Variants in EPS8 observed in about 807,000 individuals in gnomAD.
EPS8 encodes epidermal growth factor receptor kinase substrate 8.
In EPS8, 42 loss-of-function variants were observed where a neutral mutation model predicts 103.8. That is an observed-to-expected ratio of 0.40 (90% CI 0.32 to 0.52). The LOEUF (loss-of-function observed/expected upper bound fraction) is 0.52, where lower values mean the gene tolerates loss of function less well. Ranked by LOEUF, EPS8 falls within the 20% of genes least tolerant of loss-of-function variation. The pLI is 0.40. For synonymous variants in EPS8, 344 were observed against 344.6 expected, an observed-to-expected ratio of 1.00 and a Z score of 0.02; for missense variants, 969 against 1,005.1, an observed-to-expected ratio of 0.96 and a Z score of 0.49.
At chr12:15,720,471 G>T (rs967116860) in intron 1 of EPS8, among the ~76,000 whole-genome samples, 1 of 151,944 alleles carries the variant, frequency 6.6e-6, no homozygotes, top group Non-Finnish European at 1.5e-5. Flanking sequence ...TTTACTCCAG[G>T]GTGACTAAGA....
In EPS8 at chr12:15,688,720, TA is replaced by T. The variant is rs1946130397; in HGVS notation, c.-21-5749del. Among the ~76,000 whole-genome samples the T allele has an allele frequency of 6.6e-6, 1 of 152,094 alleles. No individual in the cohort carries two copies. Among genetic ancestry groups the T allele is most frequent in the South Asian group, 2.1e-4 (1 of 4,818 alleles). On this transcript the variant is annotated intron_variant, in intron 1 of 20. Transcript: ENST00000281172. This position sits in a 1 kb window ranked among gnomAD's most constrained non-coding sequence, Gnocchi z 5.1. ...TCTGCTGAGAGCTACCTCCACTCAATAAAACCCTGCACTCATTCTCTAAGCC... is the reference window on the plus strand; with the variant it reads ...TCTGCTGAGAGCTACCTCCACTCAATAAACCCTGCACTCATTCTCTAAGCC...
rs568402297 is a variant in EPS8 at position 15,689,136 on chromosome 12, T to C, written c.-21-6164A>G. 2.2e-3 allele frequency among the ~76,000 whole-genome samples: 315 copies of C among 144,330 alleles called. 1 individual carries two copies. The highest frequency in any genetic ancestry group is 3.3e-3 in the Non-Finnish European group (220 of 66,072). 94.7% of individuals were successfully genotyped at this position (144,330 alleles called of 152,430 possible). ...CTCTGATCTGACTGACTTATATCCC[T>C]TTTTTTTTTTCAGTAAGTTACACCA... On this transcript the variant is annotated intron_variant, in intron 1 of 20. Transcript: ENST00000281172.
In EPS8 at chr12:15,706,403, C is replaced by A. The variant is rs1946387473; in HGVS notation, c.-21-23431G>T. Among the ~76,000 whole-genome samples, 1 of 152,142 alleles carries A rather than the reference C, an allele frequency of 6.6e-6. No homozygotes were observed. The highest frequency in any genetic ancestry group is 2.4e-5 in the African/African-American group (1 of 41,460). ...TGTCTAGAATAATTATCTTTTATAT[C>A]TTTGCCTATCTAAATCTTGTATCTC... On this transcript the variant is annotated intron_variant, in intron 1 of 20. Coordinates refer to ENST00000281172, the MANE Select transcript of EPS8 (RefSeq NM_004447.6). This position sits in a 1 kb window ranked among gnomAD's most constrained non-coding sequence, Gnocchi z 5.2.
chr12:15,674,952 G>A (rs1281409373), intron 3 of EPS8, among the ~76,000 whole-genome samples: 9 of 152,190 alleles, frequency 5.9e-5, no homozygotes, highest in Admixed American at 5.2e-4. Context: ...CTACTTGAAT[G>A]TGTAAAAAAT....
chr12:15,642,011 G>A (rs1012846197), intron 15 of EPS8, among the ~76,000 whole-genome samples, 181 bp from the exon 16 acceptor site: 4 of 151,944 alleles, frequency 2.6e-5, no homozygotes, highest in African/African-American at 9.7e-5. Context: ...CTTTTAAAAT[G>A]AACAAATTAT....
At chr12:15,689,565 G>A (rs1946144070) in intron 1 of EPS8, among the ~76,000 whole-genome samples, 1 of 152,138 alleles carries the variant, frequency 6.6e-6, no homozygotes, top group South Asian at 2.1e-4. Flanking sequence ...TTTGATACAT[G>A]TATAACTATG....
intron 3 of EPS8, among the ~76,000 whole-genome samples, chr12:15,672,845 G>A (rs1020649559): frequency 6.6e-6 from 1 of 152,104 alleles, no homozygotes; most frequent in African/African-American, 2.4e-5. Flanking sequence ...AGGAGGGCTC[G>A]GCTTGCTTTG....
intron 1 of EPS8, among the ~76,000 whole-genome samples, chr12:15,744,284 G>A (rs1157813506): frequency 6.6e-6 from 1 of 152,112 alleles, no homozygotes; most frequent in African/African-American, 2.4e-5. Flanking sequence ...TAAAAGAGCT[G>A]GTCTCTTCCT....
chr12:15,689,822 T>C (rs1214213174), intron 1 of EPS8, among the ~76,000 whole-genome samples: 2 of 152,090 alleles, frequency 1.3e-5, no homozygotes, highest in African/African-American at 2.4e-5. Context: ...TCTAAAAAAG[T>C]TGGATTCACG....
chr12:15,741,834 G>A (rs1946826691), intron 1 of EPS8, among the ~76,000 whole-genome samples: 2 of 152,006 alleles, frequency 1.3e-5, no homozygotes, highest in Non-Finnish European at 2.9e-5. Context: ...TTTACATTAG[G>A]TATATCTCCT....
chr12:15,667,546 TA>T (rs1455593533), intron 6 of EPS8, among the ~76,000 whole-genome samples: 1 of 152,018 alleles, frequency 6.6e-6, no homozygotes, highest in East Asian at 1.9e-4. Context: ...AATAATTATT[TA>T]AAAAAACCCA....
intron 12 of EPS8, among the ~76,000 whole-genome samples, chr12:15,656,494 T>C (rs1178548963): frequency 6.6e-6 from 1 of 152,184 alleles, no homozygotes; most frequent in African/African-American, 2.4e-5. Context: ...TAATGTTACT[T>C]ACTTTCCTAT....
At chr12:15,663,941 A>AATAAAAAT (rs1555112152) in intron 8 of EPS8, among the ~76,000 whole-genome samples, 2 of 73,278 alleles carry the variant, frequency 2.7e-5, no homozygotes, top group Non-Finnish European at 5.0e-5. Context: ...AAAAAAAAAA[A>AATAAAAAT]AAAAATAATA....
At chr12:15,755,573 A>T (rs1386486961) in intron 1 of EPS8, among the ~76,000 whole-genome samples, 2 of 152,202 alleles carry the variant, frequency 1.3e-5, no homozygotes, top group East Asian at 3.9e-4. Context: ...AGCAAATGTA[A>T]AGCACTAAAT....
intron 2 of EPS8, among the ~76,000 whole-genome samples, chr12:15,681,828 G>A (rs373235742): frequency 6.7e-6 from 1 of 150,266 alleles, no homozygotes; most frequent in African/African-American, 2.4e-5. Flanking sequence ...CTACTAATAT[G>A]TTATGTGAAA....
At chr12:15,660,419 A>G (rs546192928) in intron 10 of EPS8, among the ~76,000 whole-genome samples, 195 bp downstream of exon 10, 1 of 151,956 alleles carries the variant, frequency 6.6e-6, no homozygotes, top group Non-Finnish European at 1.5e-5. Context: ...ACATGCCACC[A>G]TGCCCGGCTA....
chr12:15,634,042 A>C (rs1435504712), intron 17 of EPS8, among the ~76,000 whole-genome samples: 2 of 152,234 alleles, frequency 1.3e-5, no homozygotes, highest in East Asian at 1.9e-4. Flanking sequence ...AGTTTACGTA[A>C]TGTCTTGGAG....
chr12:15,731,882 AGCTGGGTGG>A lies in EPS8; in HGVS notation c.-21-48919_-21-48911del, dbSNP rs1946720501. On this transcript the variant is annotated intron_variant, in intron 1 of 20. Transcript: ENST00000281172. This position sits in a 1 kb window ranked among gnomAD's most constrained non-coding sequence, Gnocchi z 5.1. ...GCATGTGTGTGTGTAGGCAAAAGGAAGCTGGGTGGTTAATCACTATATATATCTGTTCCT... is the reference window on the plus strand; with the variant it reads ...GCATGTGTGTGTGTAGGCAAAAGGAATTAATCACTATATATATCTGTTCCT... Among the ~76,000 whole-genome samples, 1 of 152,098 alleles carries A rather than the reference AGCTGGGTGG, an allele frequency of 6.6e-6. No individual in the cohort carries two copies. The highest frequency in any genetic ancestry group is 1.5e-5 in the Non-Finnish European group (1 of 68,022).
Position 15,688,264 on chromosome 12 carries a change from A to G in EPS8, c.-21-5292T>C, listed in dbSNP as rs1946122553. ...AGTTATTGGCTCTATTTTATGGGTG[A>G]GATGACAGCCTCAAGGCGGTTAAGT... On this transcript the variant is annotated intron_variant, in intron 1 of 20. Coordinates refer to ENST00000281172, the MANE Select transcript of EPS8 (RefSeq NM_004447.6). This position sits in a 1 kb window ranked among gnomAD's most constrained non-coding sequence, Gnocchi z 5.1. 6.6e-6 allele frequency among the ~76,000 whole-genome samples: 1 copy of G among 152,182 alleles called. No homozygotes were observed. Among genetic ancestry groups the G allele is most frequent in the Non-Finnish European group, 1.5e-5 (1 of 68,032 alleles).
Sources: gnomAD v4.1 joint callset for allele counts (sites outside exome capture counted in the v4.1 genomes callset) on GRCh38, gnomAD v4.1.1 for gene constraint, Gnocchi (gnomAD v3.1) non-coding constraint, MANE v1.5 for transcripts, NCBI Gene and HGNC (gene_info 2026-07-23, HGNC 2026-07-21) for gene names.